Variants in PBK observed in about 807,000 individuals in gnomAD.
The protein encoded by PBK is PDZ binding kinase, also known as lymphokine-activated killer T-cell-originated protein kinase.
Under a neutral mutation model 33.5 loss-of-function variants are expected in PBK, and 22 were observed. The ratio of observed to expected loss-of-function variants is 0.66; its 90% confidence interval spans 0.47 to 0.94. The LOEUF is 0.94. Among genes scored for constraint, PBK ranks in the 40% least tolerant of loss-of-function variants. The pLI is 0.00. For synonymous variants in PBK, 129 were observed against 123.8 expected, an observed-to-expected ratio of 1.04 and a Z score of -0.28; for missense variants, 376 against 383.4, an observed-to-expected ratio of 0.98 and a Z score of 0.16.
At chr8:27,832,664 G>A (rs1806151236) in intron 2 of PBK, among the ~76,000 whole-genome samples, 1 of 152,174 alleles carries the variant, frequency 6.6e-6, no homozygotes, top group African/African-American at 2.4e-5. Flanking sequence ...GGAGTTAAGG[G>A]TCAAGGCTTA....
intron 7 of PBK, 79 bp downstream of exon 7, chr8:27,810,879 T>C (rs1009744965): frequency 5.3e-6 from 5 of 947,168 alleles, no homozygotes; most frequent in Non-Finnish European, 8.1e-6. Context: ...TACTAATACA[T>C]ATCTTAGAAA....
rs141107568 is a variant in PBK at position 27,825,654 on chromosome 8, A to G, written c.153-2449T>C. ...TCACCATATGCATACTAAATGCTCA[A>G]TGAGTTTTTACATGTGCATATACCT... On this transcript the variant is annotated intron_variant, in intron 3 of 7. Transcript: ENST00000301905. Among the ~76,000 whole-genome samples, 600 of 152,290 alleles carry G rather than the reference A, an allele frequency of 3.9e-3. 2 individuals carry two copies. Among genetic ancestry groups the G allele is most frequent in the Non-Finnish European group, 5.9e-3 (399 of 68,036 alleles).
intron 6 of PBK, among the ~76,000 whole-genome samples, chr8:27,813,526 T>C (rs1805743606): frequency 6.6e-6 from 1 of 152,164 alleles, no homozygotes; most frequent in Non-Finnish European, 1.5e-5. Context: ...AAATTATATA[T>C]GTTTAAGGTA....
At chr8:27,813,280 GA>G (rs1429090117) in intron 6 of PBK, among the ~76,000 whole-genome samples, 2 of 151,968 alleles carry the variant, frequency 1.3e-5, no homozygotes, top group Non-Finnish European at 2.9e-5. Context: ...AGAACACTTG[GA>G]CACAGGGTGG....
At chr8:27,827,363 A>G (rs1414475363) in intron 3 of PBK, among the ~76,000 whole-genome samples, 3 of 152,200 alleles carry the variant, frequency 2.0e-5, no homozygotes, top group Admixed American at 1.3e-4. Context: ...CCTGGCCAAC[A>G]TGGCAAAACC....
intron 6 of PBK, chr8:27,812,722 CTCA>C (rs1254584997): frequency 2.0e-5 from 3 of 151,770 alleles, no homozygotes; most frequent in South Asian, 2.1e-4. Context: ...TGAAAAAATG[CTCA>C]TCATCACTGG....
intron 3 of PBK, among the ~76,000 whole-genome samples, chr8:27,824,616 T>C (rs1179495194): frequency 6.6e-6 from 1 of 152,196 alleles, no homozygotes; most frequent in Non-Finnish European, 1.5e-5. Flanking sequence ...AAAATGTTCC[T>C]ACTAGAAATA....
At chr8:27,832,975 A>G in intron 2 of PBK, 81 bp downstream of exon 2, 1 of 768,814 alleles carries the variant, frequency 1.3e-6, no homozygotes, top group East Asian at 2.8e-5. Context: ...CCGATAATAA[A>G]GGATCAAACT....
intron 3 of PBK, among the ~76,000 whole-genome samples, chr8:27,824,874 A>G (rs1051361846): frequency 6.6e-6 from 1 of 152,242 alleles, no homozygotes; most frequent in African/African-American, 2.4e-5. Flanking sequence ...TAAAAATACT[A>G]CATCAAAACT....
intron 2 of PBK, among the ~76,000 whole-genome samples, chr8:27,832,262 A>G (rs530639): frequency 6.6e-6 from 1 of 152,188 alleles, no homozygotes; most frequent in African/African-American, 2.4e-5. Context: ...ATACCCACTC[A>G]CGATAATAAC....
At chr8:27,825,452 A>G (rs914951292) in intron 3 of PBK, among the ~76,000 whole-genome samples, 1 of 152,112 alleles carries the variant, frequency 6.6e-6, no homozygotes, top group Admixed American at 6.5e-5. Flanking sequence ...TAATAATGGT[A>G]AAAAACAGGT....
chr8:27,819,008 C>T (rs1230804139), intron 6 of PBK, among the ~76,000 whole-genome samples: 2 of 152,124 alleles, frequency 1.3e-5, no homozygotes, highest in African/African-American at 2.4e-5. Context: ...CTTTATCACA[C>T]AACAAATTCC....
intron 6 of PBK, among the ~76,000 whole-genome samples, chr8:27,820,031 T>C (rs575398389): frequency 1.3e-5 from 2 of 152,290 alleles, no homozygotes; most frequent in South Asian, 4.1e-4. Flanking sequence ...ATTTACTAAA[T>C]AATATGTTGC....
chr8:27,812,592 A>G lies in PBK; in HGVS notation c.596-1458T>C, dbSNP rs537903561. On this transcript the variant is annotated intron_variant, in intron 6 of 7. Coordinates refer to ENST00000301905, the MANE Select transcript of PBK (RefSeq NM_018492.4). Reference sequence around the variant, plus strand: ...CCTATCTGACAAAGGGCTAATATCCAGAATCTACAAAGAACTCAAACAAAT... The same window carrying G: ...CCTATCTGACAAAGGGCTAATATCCGGAATCTACAAAGAACTCAAACAAAT... The G allele has an allele frequency of 2.6e-5, 4 of 151,392 alleles. No homozygotes were observed. In the South Asian group the frequency reaches 8.4e-4, roughly 32 times the overall value. The allele number at this position is 151,392 out of a possible 1,614,324, so 9.4% of individuals were successfully genotyped here.
At chr8:27,814,002 A>C (rs1035257887) in intron 6 of PBK, among the ~76,000 whole-genome samples, 1 of 152,208 alleles carries the variant, frequency 6.6e-6, no homozygotes, top group Non-Finnish European at 1.5e-5. Flanking sequence ...AGTGTATAAT[A>C]ATCACATCAG....
intron 2 of PBK, among the ~76,000 whole-genome samples, chr8:27,831,715 G>A (rs545402210): frequency 1.3e-5 from 2 of 152,222 alleles, no homozygotes; most frequent in South Asian, 4.1e-4. Context: ...ACACTAGAAG[G>A]TTAATAAGGG....
intron 6 of PBK, among the ~76,000 whole-genome samples, chr8:27,818,512 CATT>C (rs2128962790): frequency 6.6e-6 from 1 of 152,258 alleles, no homozygotes; most frequent in South Asian, 2.1e-4. Flanking sequence ...CAGATTATCT[CATT>C]GTTATTTAGC....
At chr8:27,832,685 G>T (rs1050612148) in intron 2 of PBK, among the ~76,000 whole-genome samples, 2 of 152,118 alleles carry the variant, frequency 1.3e-5, no homozygotes. Context: ...TTTTTTGCAC[G>T]TGGATATCTA....
At chr8:27,821,681 A>G (rs958821906) in intron 5 of PBK, among the ~76,000 whole-genome samples, 1 of 152,166 alleles carries the variant, frequency 6.6e-6, no homozygotes, top group Non-Finnish European at 1.5e-5. Flanking sequence ...AGAAGATACA[A>G]CTGCAGATTT....
Sources: gnomAD v4.1 joint callset for allele counts (sites outside exome capture counted in the v4.1 genomes callset) on GRCh38, gnomAD v4.1.1 for gene constraint, MANE v1.5 for transcripts, NCBI Gene and HGNC (gene_info 2026-07-23, HGNC 2026-07-21) for gene names.